The following MEGF11 variants were observed in gnomAD, a reference collection of about 807,000 sequenced individuals.
MEGF11 encodes multiple epidermal growth factor-like domains protein 11.
In MEGF11, 126 loss-of-function variants were observed where a neutral mutation model predicts 146.6. That is an observed-to-expected ratio of 0.86 (90% CI 0.74 to 1.00). The LOEUF (loss-of-function observed/expected upper bound fraction) is 1.00. MEGF11 is among the 50% of genes least tolerant of loss of function. The probability of loss-of-function intolerance (pLI) is 0.00; values close to 1 mark genes in which losing one functional copy is unlikely to be tolerated. For synonymous variants in MEGF11, 532 were observed against 583.4 expected (o/e 0.91, Z 1.27); for missense variants, 1,509 against 1,521.2 (o/e 0.99, Z 0.13).
chr15:66,234,795 G>A (rs906972308), intron 1 of MEGF11, among the ~76,000 whole-genome samples: 2 of 152,132 alleles, frequency 1.3e-5, no homozygotes, highest in East Asian at 1.9e-4. Context: ...TGAAGCAGTC[G>A]GTTCAGGATC....
intron 10 of MEGF11, among the ~76,000 whole-genome samples, chr15:65,940,584 A>T (rs1459350269): frequency 2.0e-5 from 3 of 152,278 alleles, no homozygotes; most frequent in African/African-American, 7.2e-5. Flanking sequence ...TGCGTCACTG[A>T]TAAAGCAGCA....
chr15:66,099,450 G>A (rs1351487343), intron 4 of MEGF11, among the ~76,000 whole-genome samples: 5 of 152,104 alleles, frequency 3.3e-5, no homozygotes, highest in African/African-American at 1.2e-4. Context: ...CTCCCAAAGT[G>A]CCGGGATTAT....
At chr15:66,086,823 T>G (rs2086128429) in intron 5 of MEGF11, among the ~76,000 whole-genome samples, 1 of 152,192 alleles carries the variant, frequency 6.6e-6, no homozygotes, top group African/African-American at 2.4e-5. Flanking sequence ...CAACGGTACC[T>G]CACATTTCAA....
chr15:65,983,804 G>C (rs1328160178), intron 5 of MEGF11, among the ~76,000 whole-genome samples: 1 of 152,170 alleles, frequency 6.6e-6, no homozygotes, highest in Non-Finnish European at 1.5e-5. Context: ...GAGTGGGACT[G>C]GGAAGGTGTC....
At position 65,936,480 on chromosome 15, in the gene MEGF11, T is replaced by C. The variant is rs1010826487; in HGVS notation, c.1288-5537A>G. Reference sequence around the variant, plus strand: ...ACAGGAGCAGAAGGACTTGGCACTTTCCATATGCTTTCTCTTGTATGCCAG... The same window carrying C: ...ACAGGAGCAGAAGGACTTGGCACTTCCCATATGCTTTCTCTTGTATGCCAG... On this transcript the variant is annotated intron_variant, in intron 10 of 25. Transcript: ENST00000395614. Among the ~76,000 whole-genome samples the C allele has an allele frequency of 2.0e-5, 3 of 152,312 alleles. No individual in the cohort carries two copies. In the East Asian group the frequency reaches 5.8e-4, roughly 29 times the overall value.
intron 1 of MEGF11, among the ~76,000 whole-genome samples, chr15:66,218,699 T>C: frequency 6.6e-6 from 1 of 152,148 alleles, no homozygotes; most frequent in East Asian, 1.9e-4. Context: ...TGGCCCCTAG[T>C]GGGAAGCCAG....
chr15:66,100,875 AGTGGGTGAGTGAGCGAGCGTGTGGGTGG>A (rs2086768377), intron 4 of MEGF11, among the ~76,000 whole-genome samples: 1 of 129,122 alleles, frequency 7.7e-6, no homozygotes, highest in African/African-American at 2.9e-5. Flanking sequence ...TGGGTGGGTG[AGTGGGTGAGTGAGCGAGCGTGTGGGTGG>A]GTGGGTGAGT....
intron 9 of MEGF11, among the ~76,000 whole-genome samples, chr15:65,961,129 C>G (rs1040452031): frequency 3.3e-5 from 5 of 152,178 alleles, no homozygotes; most frequent in Non-Finnish European, 7.3e-5. Context: ...ACCTTTGTCC[C>G]TCAGCAGAGT....
intron 7 of MEGF11, among the ~76,000 whole-genome samples, chr15:65,976,551 C>T (rs2081454895): frequency 6.6e-6 from 1 of 152,130 alleles, no homozygotes. Context: ...CATCTACAAG[C>T]CAAGGAAAGA....
At chr15:66,010,328 G>GAGT (rs2082673796) in intron 5 of MEGF11, among the ~76,000 whole-genome samples, 1 of 152,028 alleles carries the variant, frequency 6.6e-6, no homozygotes, top group South Asian at 2.1e-4. Flanking sequence ...GAGTAGCTGG[G>GAGT]ATTACAGATG....
At chr15:66,214,096 C>T (rs1044023633) in intron 1 of MEGF11, among the ~76,000 whole-genome samples, 2 of 140,714 alleles carry the variant, frequency 1.4e-5, no homozygotes, top group African/African-American at 5.3e-5. Context: ...AGTGCAGTGG[C>T]ACAATCTTGG....
chr15:66,067,572 C>T (rs1189186819), intron 5 of MEGF11, among the ~76,000 whole-genome samples: 1 of 152,226 alleles, frequency 6.6e-6, no homozygotes, highest in Non-Finnish European at 1.5e-5. Context: ...AGGTGGGACC[C>T]TTTGCCTTTG....
rs117513124 is a variant in MEGF11 at position 66,179,525 on chromosome 15, C to T, written c.-8-51114G>A. 4.1e-3 allele frequency among the ~76,000 whole-genome samples: 621 copies of T among 152,238 alleles called. 5 individuals carry two copies. Among genetic ancestry groups the T allele is most frequent in the Middle Eastern group, 0.017 (5 of 294 alleles). On this transcript the variant is annotated intron_variant, in intron 1 of 25. Coordinates refer to ENST00000395614, the MANE Select transcript of MEGF11 (RefSeq NM_001385028.1). ...CGCAGACCTTCAGGAACAGGCTCTC[C>T]GCCTGTGAAGCTCTGAATCTCCATT... is the stretch of plus-strand genomic sequence containing the variant.
intron 1 of MEGF11, among the ~76,000 whole-genome samples, chr15:66,202,414 C>T (rs1397830050): frequency 6.6e-6 from 1 of 152,180 alleles, no homozygotes; most frequent in Non-Finnish European, 1.5e-5. Context: ...TAAGGTTGGG[C>T]TCCGTTCTCC....
chr15:66,193,754 T>C (rs2090938974), intron 1 of MEGF11, among the ~76,000 whole-genome samples: 1 of 152,056 alleles, frequency 6.6e-6, no homozygotes, highest in Admixed American at 6.6e-5. Context: ...GGCTGTATAT[T>C]AGTTTGCTCA....
chr15:66,219,504 A>G (rs564795811), intron 1 of MEGF11, among the ~76,000 whole-genome samples: 313 of 152,332 alleles, frequency 2.1e-3, no homozygotes, highest in African/African-American at 6.1e-3. Context: ...TAAAACCTCA[A>G]TGAGATCTCA....
chr15:66,182,503 G>A (rs974805431), intron 1 of MEGF11, among the ~76,000 whole-genome samples: 6 of 152,234 alleles, frequency 3.9e-5, no homozygotes, highest in Admixed American at 6.5e-5. Flanking sequence ...TTGCAGAATC[G>A]GGATTTTAAA....
chr15:66,206,416 G>T (rs1225254244), intron 1 of MEGF11, among the ~76,000 whole-genome samples: 1 of 152,106 alleles, frequency 6.6e-6, no homozygotes, highest in Non-Finnish European at 1.5e-5. Context: ...TTTGGCAAGA[G>T]ACACTCACCT....
At chr15:66,002,504 G>A (rs1362080702) in intron 5 of MEGF11, among the ~76,000 whole-genome samples, 2 of 152,216 alleles carry the variant, frequency 1.3e-5, no homozygotes, top group East Asian at 3.9e-4. Context: ...TTAAGGTATA[G>A]GAATTCAGAG....
Sources: allele counts gnomAD v4.1 joint callset (sites outside exome capture counted in the v4.1 genomes callset), GRCh38; gene constraint gnomAD v4.1.1; transcripts MANE v1.5; gene names NCBI Gene and HGNC (gene_info 2026-07-23, HGNC 2026-07-21).